CNTN4: variants seen among roughly 807,000 people sequenced by gnomAD.
The protein encoded by CNTN4 is contactin 4.
CNTN4 carries 77 observed loss-of-function variants against 122.5 expected under a neutral mutation model. The ratio of observed to expected loss-of-function variants is 0.63; its 90% CI spans 0.52 to 0.76. The LOEUF (loss-of-function observed/expected upper bound fraction) is 0.76, where lower values mean the gene tolerates loss of function less well. CNTN4 is among the 30% of genes least tolerant of loss of function. The probability of loss-of-function intolerance (pLI) is 0.00; values close to 1 mark genes in which losing one functional copy is unlikely to be tolerated. For missense variants in CNTN4, 1,256 were observed against 1,259.1 expected (o/e 1.00, Z 0.04); for synonymous variants, 512 against 447.0 (o/e 1.15, Z -1.83).
At chr3:2,946,725 A>T (rs1192599563) in intron 13 of CNTN4, among the ~76,000 whole-genome samples, 2 of 118,764 alleles carry the variant, frequency 1.7e-5, no homozygotes, top group Non-Finnish European at 3.4e-5. Context: ...TTTTTTTGAG[A>T]CAGAGTCTCA....
intron 4 of CNTN4, among the ~76,000 whole-genome samples, chr3:2,624,896 G>A (rs1452845414): frequency 6.6e-6 from 1 of 151,926 alleles, no homozygotes; most frequent in Non-Finnish European, 1.5e-5. Flanking sequence ...GCCTCCTAGA[G>A]TGCTGGGATT....
chr3:2,362,959 C>T (rs1026237195), intron 3 of CNTN4, among the ~76,000 whole-genome samples: 4 of 149,188 alleles, frequency 2.7e-5, no homozygotes, highest in Non-Finnish European at 5.9e-5. Flanking sequence ...ACATTACAGA[C>T]TGTTTTTTTT....
At chr3:2,744,256 A>G (rs776323511) in intron 5 of CNTN4, among the ~76,000 whole-genome samples, 1 of 152,246 alleles carries the variant, frequency 6.6e-6, no homozygotes, top group Non-Finnish European at 1.5e-5. Context: ...TTGATACCAG[A>G]CATCCAAAAT....
chr3:2,732,318 G>A (rs1411600674), intron 4 of CNTN4, among the ~76,000 whole-genome samples: 1 of 152,176 alleles, frequency 6.6e-6, no homozygotes, highest in Non-Finnish European at 1.5e-5. Flanking sequence ...TTCTGGCGTA[G>A]TCAGTCTGGA....
chr3:2,443,616 T>G (rs2048516191), intron 3 of CNTN4, among the ~76,000 whole-genome samples: 1 of 152,194 alleles, frequency 6.6e-6, no homozygotes, highest in Non-Finnish European at 1.5e-5. Flanking sequence ...CTTTCCAAAG[T>G]AATTTCAGTC....
intron 4 of CNTN4, among the ~76,000 whole-genome samples, chr3:2,673,548 TG>T (rs1305525279): frequency 6.6e-6 from 1 of 152,108 alleles, no homozygotes; most frequent in African/African-American, 2.4e-5. Context: ...TTTTGTTTTT[TG>T]TTTTGTTTCG....
intron 13 of CNTN4, among the ~76,000 whole-genome samples, chr3:2,935,623 A>T (rs1455610996): frequency 6.6e-6 from 1 of 152,258 alleles, no homozygotes; most frequent in Non-Finnish European, 1.5e-5. Flanking sequence ...AATTTAAATC[A>T]AGGTTCTACA....
intron 13 of CNTN4, among the ~76,000 whole-genome samples, chr3:2,955,542 G>C (rs1010921796): frequency 6.6e-6 from 1 of 152,158 alleles, no homozygotes; most frequent in African/African-American, 2.4e-5. Flanking sequence ...TTTCCAGAAA[G>C]TCCCAGGAAA....
At chr3:2,699,208 A>C (rs542506587) in intron 4 of CNTN4, among the ~76,000 whole-genome samples, 6 of 152,302 alleles carry the variant, frequency 3.9e-5, no homozygotes, top group African/African-American at 1.4e-4. Flanking sequence ...AATGAGGACT[A>C]AGACTTGTTG....
At chr3:2,861,495 C>A (rs1333254774) in intron 7 of CNTN4, among the ~76,000 whole-genome samples, 1 of 152,140 alleles carries the variant, frequency 6.6e-6, no homozygotes, top group Non-Finnish European at 1.5e-5. Flanking sequence ...AATTATATAT[C>A]CATTTAAATT....
intron 3 of CNTN4, among the ~76,000 whole-genome samples, chr3:2,355,324 C>T (rs2044822648): frequency 6.6e-6 from 1 of 152,162 alleles, no homozygotes; most frequent in Non-Finnish European, 1.5e-5. Flanking sequence ...AACTTTTGGT[C>T]TGTGTAAAAA....
At chr3:2,817,558 A>C (rs1203473832) in intron 6 of CNTN4, among the ~76,000 whole-genome samples, 1 of 152,270 alleles carries the variant, frequency 6.6e-6, no homozygotes, top group African/African-American at 2.4e-5. Flanking sequence ...ACATGAATAC[A>C]GTTTTTTAAA....
intron 4 of CNTN4, among the ~76,000 whole-genome samples, chr3:2,578,772 C>T (rs2079807331): frequency 6.6e-6 from 1 of 152,174 alleles, no homozygotes; most frequent in Non-Finnish European, 1.5e-5. Context: ...TTGCTCTACG[C>T]TCTCTCATAA....
chr3:2,482,053 C>T (rs550922420), intron 3 of CNTN4, among the ~76,000 whole-genome samples: 114 of 152,204 alleles, frequency 7.5e-4, no homozygotes, highest in Admixed American at 1.2e-3. Context: ...AATGTGAAAG[C>T]GATTTTGTAA....
At chr3:2,432,104 C>T (rs943612290) in intron 3 of CNTN4, among the ~76,000 whole-genome samples, 1 of 152,136 alleles carries the variant, frequency 6.6e-6, no homozygotes, top group Non-Finnish European at 1.5e-5. Flanking sequence ...ATTTTTGTTT[C>T]TTCATTTTTG....
At chr3:3,054,052 A>G in intron 24 of CNTN4, 77 bp downstream of exon 24, 1 of 1,453,022 alleles carries the variant, frequency 6.9e-7, no homozygotes, top group Non-Finnish European at 9.6e-7. Context: ...AGGGCTTGAA[A>G]GACATTCAGC....
At chr3:2,599,639 T>C (rs1242968637) in intron 4 of CNTN4, among the ~76,000 whole-genome samples, 6 of 152,224 alleles carry the variant, frequency 3.9e-5, no homozygotes, top group Non-Finnish European at 8.8e-5. Context: ...TTTTGTAGAA[T>C]GATTTGTAGC....
chr3:2,734,651 T>TG (rs1372522143), intron 4 of CNTN4, among the ~76,000 whole-genome samples: 1 of 151,140 alleles, frequency 6.6e-6, no homozygotes, highest in Non-Finnish European at 1.5e-5. Context: ...TGAAGTGCTT[T>TG]TTTTTTTTTT....
At chr3:2,740,133 G>C (rs1256763999) in intron 5 of CNTN4, among the ~76,000 whole-genome samples, 1 of 152,178 alleles carries the variant, frequency 6.6e-6, no homozygotes, top group East Asian at 1.9e-4. Flanking sequence ...GAGGCAGGAG[G>C]ATGGCTTGAG....
Sources: allele counts gnomAD v4.1 joint callset (sites outside exome capture counted in the v4.1 genomes callset), GRCh38; gene constraint gnomAD v4.1.1; transcripts MANE v1.5; gene names NCBI Gene and HGNC (gene_info 2026-07-23, HGNC 2026-07-21).